Variants in SOX5 observed in about 807,000 individuals in gnomAD.
The protein encoded by SOX5 is transcription factor SOX-5.
SOX5 carries 9 observed loss-of-function variants against 92.0 expected under a neutral mutation model. The ratio of observed to expected loss-of-function variants is 0.10; its 90% CI spans 0.06 to 0.17. The LOEUF (loss-of-function observed/expected upper bound fraction) is 0.17. SOX5 is among the 10% of genes least tolerant of loss of function. SOX5 has a pLI of 1.00. For synonymous variants in SOX5, 344 were observed against 336.3 expected (o/e 1.02, Z -0.25); for missense variants, 642 against 944.5 (o/e 0.68, Z 4.20).
At chr12:23,696,100 T>A (rs993503536) in intron 6 of SOX5, among the ~76,000 whole-genome samples, 1 of 152,082 alleles carries the variant, frequency 6.6e-6, no homozygotes, top group African/African-American at 2.4e-5. Flanking sequence ...TGAAGAATAC[T>A]GGCCTATAAA....
chr12:23,866,717 A>G (rs1046582574), intron 2 of SOX5, among the ~76,000 whole-genome samples: 4 of 152,156 alleles, frequency 2.6e-5, no homozygotes, highest in Admixed American at 1.3e-4. Context: ...CTGATGGCCT[A>G]CCGTCTACTG....
chr12:23,937,970 C>CT (rs1028290569), intron 1 of SOX5, among the ~76,000 whole-genome samples: 25 of 147,460 alleles, frequency 1.7e-4, no homozygotes, highest in South Asian at 4.3e-4. Context: ...AAAATGTGCG[C>CT]TTTTTTTTTT....
At chr12:23,817,225 T>A (rs542526670) in intron 3 of SOX5, among the ~76,000 whole-genome samples, 1 of 152,232 alleles carries the variant, frequency 6.6e-6, no homozygotes, top group South Asian at 2.1e-4. Flanking sequence ...GCCCTCCGAG[T>A]AAGATTAAGG....
intron 1 of SOX5, among the ~76,000 whole-genome samples, chr12:24,431,318 T>A (rs1938269762): frequency 6.6e-6 from 1 of 152,220 alleles, no homozygotes; most frequent in East Asian, 1.9e-4. Flanking sequence ...GAGGCAATTC[T>A]ATTACAACTA....
chr12:24,224,431 T>C (rs1961385023), intron 3 of SOX5, among the ~76,000 whole-genome samples: 1 of 152,182 alleles, frequency 6.6e-6, no homozygotes, highest in South Asian at 2.1e-4. Context: ...ACATTATTCC[T>C]TATTTTTGCT....
At chr12:23,621,197 C>T (rs1453902960) in intron 8 of SOX5, among the ~76,000 whole-genome samples, 3 of 151,828 alleles carry the variant, frequency 2.0e-5, no homozygotes, top group Non-Finnish European at 4.4e-5. Flanking sequence ...AAATATTAGG[C>T]TAAATGACAT....
intron 4 of SOX5, among the ~76,000 whole-genome samples, chr12:24,071,791 G>T (rs887264330): frequency 6.6e-6 from 1 of 152,126 alleles, no homozygotes; most frequent in Non-Finnish European, 1.5e-5. Flanking sequence ...TAAATACGTG[G>T]CAAATCACAG....
intron 2 of SOX5, among the ~76,000 whole-genome samples, chr12:23,850,838 T>A (rs567846632): frequency 7.5e-4 from 114 of 152,290 alleles, no homozygotes; most frequent in African/African-American, 2.4e-3. Context: ...TGCACATGCA[T>A]AAACACACAG....
At chr12:23,742,369 A>G (rs1015264034) in intron 4 of SOX5, among the ~76,000 whole-genome samples, 1 of 152,194 alleles carries the variant, frequency 6.6e-6, no homozygotes, top group Non-Finnish European at 1.5e-5. Context: ...CTTATTATCA[A>G]TGCCTATCCT....
chr12:23,982,070 A>T (rs1949623518), intron 4 of SOX5, among the ~76,000 whole-genome samples: 1 of 152,224 alleles, frequency 6.6e-6, no homozygotes, highest in South Asian at 2.1e-4. Context: ...ATGGAGATAT[A>T]TACACGGAAT....
At chr12:24,276,489 C>T (rs567424507) in intron 3 of SOX5, among the ~76,000 whole-genome samples, 111 of 152,228 alleles carry the variant, frequency 7.3e-4, no homozygotes, top group African/African-American at 2.4e-3. Context: ...GGAGATTTCC[C>T]TTTCAATCTT....
intron 1 of SOX5, among the ~76,000 whole-genome samples, chr12:24,448,414 A>T (rs1941806117): frequency 1.3e-5 from 2 of 152,128 alleles, no homozygotes; most frequent in South Asian, 4.2e-4. Flanking sequence ...ACTTATTATA[A>T]ACCTGGAATT....
chr12:24,012,080 A>G (rs1266895035), intron 4 of SOX5, among the ~76,000 whole-genome samples: 1 of 152,138 alleles, frequency 6.6e-6, no homozygotes, highest in Non-Finnish European at 1.5e-5. Context: ...TTGCATACTA[A>G]TAATTCTTCA....
intron 3 of SOX5, among the ~76,000 whole-genome samples, chr12:24,265,579 T>TAC (rs1336694128): frequency 3.9e-5 from 6 of 152,144 alleles, no homozygotes; most frequent in South Asian, 2.1e-4. Flanking sequence ...TAAAGACTAC[T>TAC]ACATTGATAT....
intron 6 of SOX5, among the ~76,000 whole-genome samples, chr12:23,724,711 G>C (rs1333378718): frequency 6.6e-6 from 1 of 152,160 alleles, no homozygotes; most frequent in Non-Finnish European, 1.5e-5. Flanking sequence ...TCCCTGACAA[G>C]CATGGCATTT....
chr12:23,959,043 G>T (rs1441697279), intron 4 of SOX5, among the ~76,000 whole-genome samples: 1 of 151,680 alleles, frequency 6.6e-6, no homozygotes, highest in African/African-American at 2.4e-5. Flanking sequence ...AATATGAAAA[G>T]ACATACCAAG....
intron 2 of SOX5, among the ~76,000 whole-genome samples, chr12:23,878,741 C>G (rs2096955549): frequency 6.6e-6 from 1 of 151,930 alleles, no homozygotes; most frequent in Admixed American, 6.6e-5. Flanking sequence ...TTTTTATTCT[C>G]TCTTTTCCTT....
intron 4 of SOX5, among the ~76,000 whole-genome samples, chr12:23,957,456 C>A (rs12820670): frequency 1.3e-5 from 2 of 152,084 alleles, no homozygotes; most frequent in African/African-American, 4.8e-5. Context: ...CAGTAAATAC[C>A]TCACGTGTGT....
chr12:23,697,912 T>C (rs1593388091), intron 6 of SOX5, among the ~76,000 whole-genome samples: 1 of 152,246 alleles, frequency 6.6e-6, no homozygotes, highest in Non-Finnish European at 1.5e-5. Flanking sequence ...TCTTGCTATT[T>C]GTTTTCTATT....
Sources: allele counts gnomAD v4.1 joint callset (sites outside exome capture counted in the v4.1 genomes callset), GRCh38; gene constraint gnomAD v4.1.1; transcripts MANE v1.5; gene names NCBI Gene and HGNC (gene_info 2026-07-23, HGNC 2026-07-21).